Variants in LRFN5 observed in about 807,000 individuals in gnomAD.
The protein encoded by LRFN5 is leucine rich repeat and fibronectin type III domain containing 5.
Under a neutral mutation model 45.6 loss-of-function variants are expected in LRFN5, and 24 were observed. The ratio of observed to expected loss-of-function variants is 0.53; its 90% CI spans 0.38 to 0.74. The LOEUF (loss-of-function observed/expected upper bound fraction) is 0.74, where lower values mean the gene tolerates loss of function less well. Among genes scored for constraint, LRFN5 ranks in the 30% least tolerant of loss-of-function variants. The pLI is 0.00. For missense variants in LRFN5, 776 were observed against 861.5 expected (o/e 0.90, Z 1.24); for synonymous variants, 340 against 313.8 (o/e 1.08, Z -0.88).
intron 2 of LRFN5, among the ~76,000 whole-genome samples, chr14:41,818,496 C>G (rs1157761284): frequency 6.6e-6 from 1 of 151,754 alleles, no homozygotes; most frequent in Non-Finnish European, 1.5e-5. Context: ...ATGATATACA[C>G]ACACACAAAC....
chr14:41,611,273 G>T (rs17112137), intron 1 of LRFN5, among the ~76,000 whole-genome samples: 5,832 of 152,246 alleles, frequency 0.038, 358 homozygotes, highest in East Asian at 0.27. Context: ...CTAGCACAAG[G>T]TTACATGCAC....
chr14:41,898,423 G>C (rs912048513), intron 4 of LRFN5, among the ~76,000 whole-genome samples: 7 of 151,986 alleles, frequency 4.6e-5, no homozygotes, highest in African/African-American at 1.7e-4. Context: ...GCTATTATTT[G>C]GGGAGTAGGT....
intron 2 of LRFN5, among the ~76,000 whole-genome samples, chr14:41,837,059 AAAG>A (rs1258645294): frequency 6.6e-6 from 1 of 152,032 alleles, no homozygotes; most frequent in East Asian, 1.9e-4. Flanking sequence ...GCTCCAAAGG[AAAG>A]AAGGTCAAGC....
chr14:41,665,811 TATA>T (rs1402407951), intron 1 of LRFN5, among the ~76,000 whole-genome samples: 11 of 152,018 alleles, frequency 7.2e-5, no homozygotes, highest in African/African-American at 2.2e-4. Flanking sequence ...TCACTTAAAT[TATA>T]ATAACAGATA....
intron 1 of LRFN5, among the ~76,000 whole-genome samples, chr14:41,645,115 G>A (rs712406): frequency 0.66 from 100,147 of 152,038 alleles, 33,761 homozygotes; most frequent in East Asian, 0.78. Flanking sequence ...GTAAAATGAA[G>A]TTATTAATAA....
chr14:41,752,730 A>C (rs1034916776), intron 1 of LRFN5, among the ~76,000 whole-genome samples: 2 of 152,074 alleles, frequency 1.3e-5, no homozygotes, highest in African/African-American at 4.8e-5. Context: ...GTTCACTCTG[A>C]TGGTAGTTTC....
intron 2 of LRFN5, among the ~76,000 whole-genome samples, chr14:41,796,485 T>C (rs1403167301): frequency 6.6e-6 from 1 of 151,954 alleles, no homozygotes; most frequent in Non-Finnish European, 1.5e-5. Flanking sequence ...TCTTCCAAAA[T>C]GTGCTTTTAA....
chr14:41,899,080 TTTAC>T, intron 5 of LRFN5, 120 bp downstream of exon 5: 2 of 765,756 alleles, frequency 2.6e-6, no homozygotes, highest in Non-Finnish European at 4.1e-6. Flanking sequence ...TCTTTTAAAA[TTTAC>T]TTATAATTCT....
At chr14:41,750,266 CTTAT>C (rs1240993981) in intron 1 of LRFN5, among the ~76,000 whole-genome samples, 3 of 64,810 alleles carry the variant, frequency 4.6e-5, no homozygotes, top group African/African-American at 2.0e-4. Flanking sequence ...AGTAACTTTT[CTTAT>C]ATATATATAT....
At chr14:41,634,775 C>A (rs1888673836) in intron 1 of LRFN5, among the ~76,000 whole-genome samples, 1 of 152,028 alleles carries the variant, frequency 6.6e-6, no homozygotes, top group Non-Finnish European at 1.5e-5. Context: ...AGTTTTGATT[C>A]CTTTTTGGCA....
At chr14:41,653,672 AC>A (rs1880237798) in intron 1 of LRFN5, among the ~76,000 whole-genome samples, 1 of 152,118 alleles carries the variant, frequency 6.6e-6, no homozygotes, top group South Asian at 2.1e-4. Context: ...CAGGAGAGTA[AC>A]TGGTCTGCAT....
chr14:41,700,352 T>G (rs1300866878), intron 1 of LRFN5: 1 of 152,114 alleles, frequency 6.6e-6, no homozygotes, highest in Non-Finnish European at 1.5e-5. Flanking sequence ...ATGAATTACT[T>G]TGTGAGACAT....
chr14:41,892,084 A>C, intron 4 of LRFN5, 122 bp downstream of exon 4: 1 of 1,463,366 alleles, frequency 6.8e-7, no homozygotes, highest in Non-Finnish European at 9.0e-7. Context: ...TGTTTCCTAA[A>C]AGAAGCATGT....
At chr14:41,896,050 TATATC>T (rs1890929190) in intron 4 of LRFN5, among the ~76,000 whole-genome samples, 1 of 152,110 alleles carries the variant, frequency 6.6e-6, no homozygotes, top group South Asian at 2.1e-4. Flanking sequence ...GAAAAGAAAA[TATATC>T]ATTTATAAAG....
chr14:41,636,905 G>C (rs1042681786), intron 1 of LRFN5, among the ~76,000 whole-genome samples: 1 of 152,198 alleles, frequency 6.6e-6, no homozygotes, highest in Non-Finnish European at 1.5e-5. Flanking sequence ...CCCCCCTAGA[G>C]GCAGACTGCC....
intron 2 of LRFN5, among the ~76,000 whole-genome samples, chr14:41,837,516 T>C (rs1207756375): frequency 2.6e-5 from 4 of 152,188 alleles, no homozygotes; most frequent in African/African-American, 9.6e-5. Context: ...TTTTATTAAC[T>C]AAAAGCAACC....
chr14:41,618,423 C>CA (rs2138552315), intron 1 of LRFN5, among the ~76,000 whole-genome samples: 1 of 152,252 alleles, frequency 6.6e-6, no homozygotes, highest in Non-Finnish European at 1.5e-5. Flanking sequence ...CTGCTCTTTT[C>CA]AAAAAATGTT....
intron 4 of LRFN5, chr14:41,893,817 C>T: frequency 3.0e-6 from 3 of 985,286 alleles, no homozygotes; most frequent in African/African-American, 3.5e-5. Flanking sequence ...TGCCCTGATT[C>T]TCTTTCTAAA....
At position 41,617,492 on chromosome 14, in the gene LRFN5, A is replaced by C. The variant is rs185046349; in HGVS notation, c.-197+8930A>C. On this transcript the variant is annotated intron_variant, in intron 1 of 5. Coordinates refer to ENST00000298119, the MANE Select transcript of LRFN5 (RefSeq NM_152447.5). ...GCTGTTTTCCATTGATTATTACAAA[A>C]AATGTGTTTTTAGTCTCCTTTAAGG... Among the ~76,000 whole-genome samples, 693 of 152,208 alleles carry C rather than the reference A, an allele frequency of 4.6e-3. 6 individuals are homozygous for C. Among genetic ancestry groups the C allele is most frequent in the African/African-American group, 0.016 (650 of 41,554 alleles).
Sources: allele counts gnomAD v4.1 joint callset (sites outside exome capture counted in the v4.1 genomes callset), GRCh38; gene constraint gnomAD v4.1.1; transcripts MANE v1.5; gene names NCBI Gene and HGNC (gene_info 2026-07-23, HGNC 2026-07-21).